The following SCAF4 variants were observed in gnomAD, a reference collection of about 807,000 sequenced individuals.
SCAF4 encodes the protein SR-related CTD associated factor 4, also known as SR-related and CTD-associated factor 4.
Under a neutral mutation model 129.8 loss-of-function variants are expected in SCAF4, and 25 were observed. That is an observed-to-expected ratio of 0.19 (90% confidence interval 0.14 to 0.27). The LOEUF (loss-of-function observed/expected upper bound fraction) is 0.27. Ranked by LOEUF, SCAF4 falls within the 10% of genes least tolerant of loss-of-function variation. The pLI, the probability that SCAF4 is intolerant of heterozygous loss-of-function variation, is 1.00. For missense variants in SCAF4, 1,246 were observed against 1,457.1 expected (o/e 0.86, Z 2.36); for synonymous variants, 551 against 497.7 (o/e 1.11, Z -1.43).
Position 31,685,255 on chromosome 21 carries a change from T to C in SCAF4, c.2297-15A>G. The C allele has an allele frequency of 6.4e-7, 1 of 1,560,488 alleles. No homozygotes were observed. Among genetic ancestry groups the C allele is most frequent in the Non-Finnish European group, 8.8e-7 (1 of 1,133,058 alleles). On this transcript the variant is annotated splice_polypyrimidine_tract_variant and intron_variant, in intron 18 of 19. Coordinates refer to ENST00000286835, the MANE Select transcript of SCAF4 (RefSeq NM_020706.2). ...AGCGATAGTAGCTAAGGAATATAAT[T>C]ATATCAACATGTGAAGCTGAATAAT...
intron 3 of SCAF4, among the ~76,000 whole-genome samples, chr21:31,704,820 A>G (rs772613341): frequency 6.6e-6 from 1 of 152,192 alleles, no homozygotes; most frequent in Non-Finnish European, 1.5e-5. Context: ...TTTACTAACC[A>G]TCTTTTTTGC....
chr21:31,718,752 C>T (rs1254445790), intron 1 of SCAF4, among the ~76,000 whole-genome samples: 1 of 152,232 alleles, frequency 6.6e-6, no homozygotes, highest in African/African-American at 2.4e-5. Context: ...AAACCAGGTA[C>T]TTTCATAAGC....
chr21:31,673,213 T>A (rs1361749785), intron 19 of SCAF4, among the ~76,000 whole-genome samples: 3 of 152,160 alleles, frequency 2.0e-5, no homozygotes, highest in Non-Finnish European at 4.4e-5. Flanking sequence ...AACCTGTCAT[T>A]TTCTGCTTGG....
chr21:31,699,399 T>A (rs2050464666), intron 7 of SCAF4, among the ~76,000 whole-genome samples: 2 of 151,988 alleles, frequency 1.3e-5, no homozygotes, highest in African/African-American at 2.4e-5. Flanking sequence ...TGAGTTTATG[T>A]TCGTATGTGC....
intron 7 of SCAF4, among the ~76,000 whole-genome samples, chr21:31,699,153 GATA>G (rs1262359104): frequency 2.0e-5 from 3 of 152,136 alleles, no homozygotes; most frequent in Admixed American, 1.3e-4. Context: ...AGTGTCCAGA[GATA>G]AGACACAGAA....
Position 31,696,450 on chromosome 21 carries a change from C to G in SCAF4, c.959+119G>C, listed in dbSNP as rs1383220557. On this transcript the variant is annotated intron_variant, in intron 8 of 19. Coordinates refer to ENST00000286835, the MANE Select transcript of SCAF4 (RefSeq NM_020706.2). Reference sequence around the variant, plus strand: ...TTCCTCATTCAAGAGAAAACTAATACCACAAATTTTACAAAACAACTTCAT... The same window carrying G: ...TTCCTCATTCAAGAGAAAACTAATAGCACAAATTTTACAAAACAACTTCAT... 19 of 1,096,000 alleles carry G rather than the reference C, an allele frequency of 1.7e-5. No individual in the cohort carries two copies. The South Asian group carries it at 3.5e-4, about 20-fold the overall frequency. The allele number at this position is 1,096,000 out of a possible 1,614,324, so 67.9% of individuals were successfully genotyped here. A position where few individuals can be genotyped will look rare whatever the true frequency, so the allele number is the denominator to read the frequency against.
chr21:31,692,247 T>G, intron 13 of SCAF4, 102 bp downstream of exon 13: 1 of 832,784 alleles, frequency 1.2e-6, no homozygotes, highest in South Asian at 1.4e-5. Flanking sequence ...GTCACATCTA[T>G]AAACCTGGGC....
At chr21:31,674,482 C>G (rs538167573) in intron 19 of SCAF4, among the ~76,000 whole-genome samples, 1 of 152,256 alleles carries the variant, frequency 6.6e-6, no homozygotes, top group African/African-American at 2.4e-5. Context: ...TTTATAGATT[C>G]CTGATAGAAT....
At chr21:31,693,576 GTAATT>G in intron 11 of SCAF4, 92 bp from the exon 12 acceptor site, 1 of 759,034 alleles carries the variant, frequency 1.3e-6, no homozygotes, top group Non-Finnish European at 1.9e-6. Context: ...CAAAAACTAG[GTAATT>G]TAATGTTTGG....
intron 6 of SCAF4, 49 bp from the exon 7 acceptor site, chr21:31,701,220 C>T (rs1288265997): frequency 7.0e-7 from 1 of 1,432,394 alleles, no homozygotes; most frequent in Admixed American, 2.4e-5. Flanking sequence ...TATAATCATA[C>T]TATCAAAAGT....
At chr21:31,698,042 A>G (rs2050429936) in intron 7 of SCAF4, among the ~76,000 whole-genome samples, 1 of 152,224 alleles carries the variant, frequency 6.6e-6, no homozygotes, top group Admixed American at 6.5e-5. Context: ...AAGTAATTGG[A>G]GCCAAAATTA....
At chr21:31,714,213 G>A (rs751333800) in intron 1 of SCAF4, among the ~76,000 whole-genome samples, 19 of 152,056 alleles carry the variant, frequency 1.2e-4, no homozygotes, top group Admixed American at 3.3e-4. Context: ...CCCCGCAGAG[G>A]ACAAGTATTC....
In SCAF4 at chr21:31,701,108, C is replaced by T. The variant is rs144527752; in HGVS notation, c.664G>A (p.Ala222Thr). The T allele has an allele frequency of 1.2e-6, 2 of 1,613,702 alleles. No homozygotes were observed. The highest frequency in any genetic ancestry group is 1.3e-5 in the African/African-American group (1 of 74,894). The change falls in exon 7 of 20, where the codon GCT (alanine) becomes ACT (threonine). Residue 222 changes from alanine to threonine, a missense_variant. By Grantham distance (58) the Ala-to-Thr change is moderately conservative. Around this residue, in one of 6 missense-constraint regions of SCAF4, gnomAD observed 143 missense variants for 161.0 expected, o/e 0.89. Transcript: ENST00000286835. Reference sequence around the variant, plus strand: ...ATAGCCTGAACCTGAGCCATCACAGCATTGTCAAGGGCAGGAGACTGTGGT... The same window carrying T: ...ATAGCCTGAACCTGAGCCATCACAGTATTGTCAAGGGCAGGAGACTGTGGT... ...PKPQSPALDN[A>T]VMAQVQAITA...
intron 7 of SCAF4, among the ~76,000 whole-genome samples, chr21:31,700,554 AC>A (rs1286454032): frequency 6.6e-6 from 1 of 152,122 alleles, no homozygotes. Context: ...ATTAACCTTA[AC>A]AACAACAAAA....
chr21:31,678,415 G>A (rs1487807323), intron 19 of SCAF4, among the ~76,000 whole-genome samples: 3 of 152,070 alleles, frequency 2.0e-5, no homozygotes, highest in Admixed American at 6.6e-5. Flanking sequence ...CCAGCCCAAC[G>A]TGGGCTAGCT....
chr21:31,701,153 T>C lies in SCAF4; in HGVS notation c.619A>G (p.Thr207Ala). The C allele has an allele frequency of 2.5e-6, 4 of 1,587,120 alleles. No homozygotes were observed. The highest frequency in any genetic ancestry group is 3.4e-6 in the Non-Finnish European group (4 of 1,166,438). ...TGTGGTTTTGGAGGCTGTTGAAAAG[T>C]CTGAAGGATCTGCTGAAGCTTAAAG... ...QGQQLQQILQTFQQPPKPQSP... is the reference protein window; with the variant it reads ...QGQQLQQILQAFQQPPKPQSP... Residue 207 changes from threonine to alanine, a missense_variant, in exon 7 of 20, where the codon ACT becomes GCT. By Grantham distance (58) the Thr-to-Ala change is moderately conservative. Around this residue, in one of 6 missense-constraint regions of SCAF4, gnomAD observed 143 missense variants for 161.0 expected, o/e 0.89. Transcript: ENST00000286835.
intron 19 of SCAF4, among the ~76,000 whole-genome samples, chr21:31,679,400 T>C (rs979826115): frequency 1.3e-5 from 2 of 152,096 alleles, no homozygotes; most frequent in Non-Finnish European, 2.9e-5. Flanking sequence ...AAAACTGAAA[T>C]AACAGTACAA....
Position 31,718,427 on chromosome 21 carries a change from A to G in SCAF4, c.31-12070T>C, listed in dbSNP as rs181535896. Among the ~76,000 whole-genome samples, 128 of 152,328 alleles carry G rather than the reference A, an allele frequency of 8.4e-4. 1 individual carries two copies. Among genetic ancestry groups the G allele is most frequent in the Non-Finnish European group, 1.6e-3 (109 of 68,022 alleles). On this transcript the variant is annotated intron_variant, in intron 1 of 19. Transcript: ENST00000286835. ...AAACAAGATAAATCTGGCATTGTCA[A>G]TATGAAATACTCCTAAGGTAGAGAA...
At chr21:31,719,601 T>A (rs1466218218) in intron 1 of SCAF4, among the ~76,000 whole-genome samples, 1 of 152,066 alleles carries the variant, frequency 6.6e-6, no homozygotes, top group Non-Finnish European at 1.5e-5. Context: ...GCCTCCTGGG[T>A]CTAAGCGAGT....
Sources: allele counts gnomAD v4.1 joint callset (sites outside exome capture counted in the v4.1 genomes callset), GRCh38; gene constraint gnomAD v4.1.1; regional missense constraint gnomAD v4.1.1; transcripts MANE v1.5; gene names NCBI Gene and HGNC (gene_info 2026-07-23, HGNC 2026-07-21).